The following CTCF variants were observed in gnomAD, a reference collection of about 807,000 sequenced individuals.
The protein encoded by CTCF is transcriptional repressor CTCF.
Under a neutral mutation model 72.3 loss-of-function variants are expected in CTCF, and 7 were observed. The ratio of observed to expected loss-of-function variants is 0.10; its 90% CI spans 0.06 to 0.18. The LOEUF (loss-of-function observed/expected upper bound fraction) is 0.18, where lower values mean the gene tolerates loss of function less well. CTCF is among the 10% of genes least tolerant of loss of function. CTCF has a pLI of 1.00. For synonymous variants in CTCF, 374 were observed against 315.8 expected, an observed-to-expected ratio of 1.18 and a Z score of -1.95; for missense variants, 516 against 949.1, an observed-to-expected ratio of 0.54 and a Z score of 6.00.
chr16:67,581,033 A>C (rs990287925), intron 2 of CTCF, among the ~76,000 whole-genome samples: 1 of 152,002 alleles, frequency 6.6e-6, no homozygotes, highest in Non-Finnish European at 1.5e-5. Context: ...GGTTCACGCC[A>C]TTCTCCTGCC....
chr16:67,604,992 T>TTTGG (rs1229627051), intron 2 of CTCF, among the ~76,000 whole-genome samples: 1 of 141,830 alleles, frequency 7.1e-6, no homozygotes, highest in Admixed American at 7.1e-5. Context: ...TTTTTTTTTT[T>TTTGG]GAGACAGTCT....
intron 2 of CTCF, among the ~76,000 whole-genome samples, chr16:67,595,985 C>T (rs906597162): frequency 1.3e-5 from 2 of 151,276 alleles, no homozygotes; most frequent in Admixed American, 1.3e-4. Flanking sequence ...GACAGAGTCT[C>T]TCTCTGTAGC....
In CTCF at chr16:67,572,267, C is replaced by T. The variant is rs1208436873; in HGVS notation, c.-10+1003C>T. On this transcript the variant is annotated intron_variant, in intron 2 of 11. Transcript: ENST00000264010. ...GAAGGAGAAGGTCTGTGGTAGTATT[C>T]TGTCACTCCAAAAATAACTTACGCC... is the stretch of plus-strand genomic sequence containing the variant. Among the ~76,000 whole-genome samples the T allele has an allele frequency of 3.9e-5, 6 of 152,208 alleles. No individual in the cohort carries two copies. The East Asian group carries it at 1.2e-3, about 29-fold the overall frequency.
At chr16:67,631,622 A>C (rs1489072574) in intron 10 of CTCF, among the ~76,000 whole-genome samples, 3 of 151,224 alleles carry the variant, frequency 2.0e-5, no homozygotes. Flanking sequence ...TTTATTGTAA[A>C]ACTTTCTCAT....
chr16:67,580,728 A>C (rs1016563812), intron 2 of CTCF, among the ~76,000 whole-genome samples: 3 of 146,748 alleles, frequency 2.0e-5, no homozygotes, highest in African/African-American at 7.6e-5. Context: ...CACTCGGCTA[A>C]TTTTGTACTT....
At position 67,628,568 on chromosome 16, in the gene CTCF, T is replaced by G. The variant is rs1555535961; in HGVS notation, c.1701+16T>G. 6.2e-7 allele frequency: 1 copy of G among 1,611,298 alleles called. No homozygotes were observed. Among genetic ancestry groups the G allele is most frequent in the South Asian group, 1.1e-5 (1 of 91,026 alleles). ...TACACGTCGGGTAAGGGTCAGAACT[T>G]CACTTTGCCTGTTATGATACTGAAT... On this transcript the variant is annotated intron_variant, in intron 9 of 11. Coordinates refer to ENST00000264010, the MANE Select transcript of CTCF (RefSeq NM_006565.4).
intron 2 of CTCF, among the ~76,000 whole-genome samples, chr16:67,602,654 C>T (rs1378375419): frequency 6.6e-6 from 1 of 151,912 alleles, no homozygotes; most frequent in Non-Finnish European, 1.5e-5. Context: ...CCAGCCTGAC[C>T]AACATGGAGA....
Position 67,636,867 on chromosome 16 carries a change from C to T in CTCF, c.1999+16C>T. On this transcript the variant is annotated intron_variant, in intron 11 of 11. Coordinates refer to ENST00000264010, the MANE Select transcript of CTCF (RefSeq NM_006565.4). ...CAGAACCAGCGTAAGTTGTTCATCT[C>T]TGCTCTGGAGGCTGGCGTCTTCTCC... 6.6e-7 allele frequency: 1 copy of T among 1,510,998 alleles called. No homozygotes were observed. Among genetic ancestry groups the T allele is most frequent in the Non-Finnish European group, 8.9e-7 (1 of 1,121,598 alleles). The allele number at this position is 1,510,998 out of a possible 1,614,324, so 93.6% of individuals were successfully genotyped here.
chr16:67,603,419 G>C (rs573111814), intron 2 of CTCF, among the ~76,000 whole-genome samples: 1 of 152,042 alleles, frequency 6.6e-6, no homozygotes, highest in East Asian at 1.9e-4. Context: ...TGTAGTCCCA[G>C]CTACTCAGGA....
intron 1 of CTCF, among the ~76,000 whole-genome samples, chr16:67,570,229 A>T (rs1354909381): frequency 6.6e-6 from 1 of 151,632 alleles, no homozygotes; most frequent in Non-Finnish European, 1.5e-5. Context: ...GGCACCCGCC[A>T]CCACACCCGG....
chr16:67,631,685 C>CA (rs1454185665), intron 10 of CTCF, among the ~76,000 whole-genome samples: 11 of 112,952 alleles, frequency 9.7e-5, no homozygotes, highest in Non-Finnish European at 1.6e-4. Flanking sequence ...CCCCCACCCC[C>CA]CCCCCCTTTT....
intron 2 of CTCF, among the ~76,000 whole-genome samples, chr16:67,578,483 C>T (rs2142734446): frequency 6.6e-6 from 1 of 151,708 alleles, no homozygotes; most frequent in African/African-American, 2.4e-5. Flanking sequence ...CACACATGTG[C>T]GGCCATGCCC....
chr16:67,606,901 G>A (rs1157235653), intron 2 of CTCF, among the ~76,000 whole-genome samples: 1 of 151,132 alleles, frequency 6.6e-6, no homozygotes, highest in African/African-American at 2.4e-5. Context: ...CAAGTAGCTG[G>A]GATTAGAGGC....
chr16:67,576,140 T>TA (rs561098313), intron 2 of CTCF, among the ~76,000 whole-genome samples: 5,200 of 91,672 alleles, frequency 0.057, 180 homozygotes, highest in South Asian at 0.11. Flanking sequence ...GACCCTGTCT[T>TA]AAAAAAAAAA....
intron 5 of CTCF, among the ~76,000 whole-genome samples, chr16:67,619,028 G>A (rs546509406): frequency 6.6e-6 from 1 of 152,318 alleles, no homozygotes; most frequent in Non-Finnish European, 1.5e-5. Flanking sequence ...GAACAGAGTA[G>A]GTTCTGGTAC....
At chr16:67,610,723 T>C (rs1597713251) in intron 2 of CTCF, 101 bp from the exon 3 acceptor site, 1 of 801,814 alleles carries the variant, frequency 1.2e-6, no homozygotes, top group East Asian at 2.7e-5. Context: ...CAACCATTGA[T>C]GCCTAATTCA....
At position 67,599,338 on chromosome 16, in the gene CTCF, T is replaced by C. The variant is rs370216327; in HGVS notation, c.-9-11486T>C. ...TGAACCTGGGAGGCAGAGGTTGCAG[T>C]GAGCCGAGGTCGTGCCACTGCGCTC... On this transcript the variant is annotated intron_variant, in intron 2 of 11. Transcript: ENST00000264010. Among the ~76,000 whole-genome samples the C allele has an allele frequency of 5.2e-4, 79 of 152,306 alleles. 1 individual carries two copies. The South Asian group carries it at 0.011, about 22-fold the overall frequency.
chr16:67,583,193 C>A (rs866376247), intron 2 of CTCF, among the ~76,000 whole-genome samples: 1 of 151,522 alleles, frequency 6.6e-6, no homozygotes, highest in African/African-American at 2.4e-5. Context: ...ACCATGTTGG[C>A]CATGCTGGTC....
intron 2 of CTCF, among the ~76,000 whole-genome samples, chr16:67,588,417 A>G (rs372591606): frequency 1.1e-4 from 16 of 152,182 alleles, no homozygotes; most frequent in African/African-American, 3.4e-4. Flanking sequence ...TTCCAGGGAT[A>G]TGGGTCTGCA....
Sources: allele counts gnomAD v4.1 joint callset (sites outside exome capture counted in the v4.1 genomes callset), GRCh38; gene constraint gnomAD v4.1.1; transcripts MANE v1.5; gene names NCBI Gene and HGNC (gene_info 2026-07-23, HGNC 2026-07-21).